Variants in TMEM278 observed in about 807,000 individuals in gnomAD.
TMEM278 encodes the protein transmembrane protein 88B.
chr1:1,429,400 ATT>A, the TMEM278 span, among the ~76,000 whole-genome samples: 1 of 151,736 alleles, frequency 6.6e-6, no homozygotes, highest in Admixed American at 6.6e-5. Context: ...TGTGTTTTAG[ATT>A]TGTCTGATTT....
the TMEM278 span, chr1:1,427,605 T>C: frequency 4.8e-6 from 6 of 1,239,854 alleles, no homozygotes; most frequent in Non-Finnish European, 6.0e-6. Context: ...AGACCGCGGC[T>C]CCGCGGCGCT....
the TMEM278 span, among the ~76,000 whole-genome samples, chr1:1,425,877 C>G: frequency 2.0e-5 from 3 of 152,002 alleles, no homozygotes; most frequent in Admixed American, 1.3e-4. Flanking sequence ...GCCCAGAGCA[C>G]CAGGAGCTGG....
the TMEM278 span, chr1:1,427,793 C>T: frequency 3.6e-6 from 5 of 1,377,882 alleles, no homozygotes; most frequent in African/African-American, 1.6e-5. Context: ...TGTGACCCGG[C>T]GGCCGCTGCG....
At chr1:1,430,236 T>A in the TMEM278 span, among the ~76,000 whole-genome samples, 1 of 152,242 alleles carries the variant, frequency 6.6e-6, no homozygotes, top group Non-Finnish European at 1.5e-5. Context: ...CTATTAAAAA[T>A]GTACGCTCAT....
chr1:1,427,602 G>C, the TMEM278 span: 1 of 1,171,030 alleles, frequency 8.5e-7, no homozygotes, highest in East Asian at 4.8e-5. Context: ...CTCAGACCGC[G>C]GCTCCGCGGC....
At chr1:1,426,520 C>G in the TMEM278 span, 1 of 707,714 alleles carries the variant, frequency 1.4e-6, no homozygotes, top group Non-Finnish European at 2.0e-6. Flanking sequence ...CCTGGCAGCC[C>G]CTTCTCCCAA....
At chr1:1,429,270 C>G in the TMEM278 span, among the ~76,000 whole-genome samples, 1 of 152,082 alleles carries the variant, frequency 6.6e-6, no homozygotes, top group African/African-American at 2.4e-5. Context: ...ATCATTTGAA[C>G]ACTGGAGGCA....
At chr1:1,428,999 C>CA in the TMEM278 span, among the ~76,000 whole-genome samples, 29,649 of 92,968 alleles carry the variant, frequency 0.32, 4,837 homozygotes, top group East Asian at 0.75. Flanking sequence ...GGCTCCGTCT[C>CA]AAAAAAAAAA....
chr1:1,425,913 G>A, the TMEM278 span, among the ~76,000 whole-genome samples: 2 of 152,314 alleles, frequency 1.3e-5, no homozygotes, highest in South Asian at 2.1e-4. Flanking sequence ...GGCGCTGCTG[G>A]AGCTGCAGCT....
chr1:1,425,990 A>G, the TMEM278 span: 1 of 1,248,870 alleles, frequency 8.0e-7, no homozygotes, highest in Non-Finnish European at 1.0e-6. Flanking sequence ...GGACCTCCCT[A>G]GCCAGGGTCC....
chr1:1,427,108 C>G, the TMEM278 span, among the ~76,000 whole-genome samples: 2 of 147,280 alleles, frequency 1.4e-5, no homozygotes, highest in Non-Finnish European at 3.0e-5. Flanking sequence ...GCTCAGCCCG[C>G]CACGGCCCCT....
chr1:1,426,141 G>C, the TMEM278 span: 188 of 1,409,760 alleles, frequency 1.3e-4, no homozygotes, highest in Non-Finnish European at 1.7e-4. Context: ...AGTGAGCAGG[G>C]GAGGGAGACG....
the TMEM278 span, chr1:1,426,162 A>G: frequency 1.4e-6 from 2 of 1,408,972 alleles, no homozygotes; most frequent in South Asian, 1.6e-5. Flanking sequence ...GAGGAGGAGG[A>G]GGGGGGAGGT....
chr1:1,428,999 CAAAAAA>C, the TMEM278 span, among the ~76,000 whole-genome samples: 9 of 93,286 alleles, frequency 9.6e-5, no homozygotes, highest in East Asian at 1.9e-3. Context: ...GGCTCCGTCT[CAAAAAA>C]AAAAAAAAAA....
At chr1:1,426,058 CAGGGCAGCCCT>C in the TMEM278 span, 1 of 1,285,074 alleles carries the variant, frequency 7.8e-7, no homozygotes, top group East Asian at 3.1e-5. Flanking sequence ...AAAGGTCTTC[CAGGGCAGCCCT>C]GGAGAGCACC....
At chr1:1,427,169 C>T in the TMEM278 span, among the ~76,000 whole-genome samples, 2 of 148,878 alleles carry the variant, frequency 1.3e-5, no homozygotes, top group Non-Finnish European at 3.0e-5. Context: ...CTCTCTCCCG[C>T]CCTGCACCCC....
the TMEM278 span, chr1:1,426,488 C>A: frequency 1.0e-6 from 1 of 975,106 alleles, no homozygotes; most frequent in Non-Finnish European, 1.4e-6. Flanking sequence ...GCCCCTTGTC[C>A]TCAGAGACAC....
chr1:1,429,546 G>C, the TMEM278 span, among the ~76,000 whole-genome samples: 1 of 152,110 alleles, frequency 6.6e-6, no homozygotes. Context: ...CTAAATCTGT[G>C]ACTGGTGTTT....
the TMEM278 span, among the ~76,000 whole-genome samples, chr1:1,429,384 T>C: frequency 1.6e-3 from 250 of 152,170 alleles, no homozygotes; most frequent in Middle Eastern, 0.014. Context: ...AAAAGTTACA[T>C]CTGATTGTGT....
Sources: gnomAD v4.1 joint callset for allele counts (sites outside exome capture counted in the v4.1 genomes callset) on GRCh38, gnomAD v4.1.1 for gene constraint, MANE v1.5 for transcripts, NCBI Gene and HGNC (gene_info 2026-07-23, HGNC 2026-07-21) for gene names.